PDE10A: variants seen among roughly 807,000 people sequenced by gnomAD.
PDE10A encodes cAMP and cAMP-inhibited cGMP 3',5'-cyclic phosphodiesterase 10A.
A neutral mutation model predicts 97.7 loss-of-function variants in PDE10A; 39 were observed. That is an observed-to-expected ratio of 0.40 (90% CI 0.31 to 0.52). The LOEUF (loss-of-function observed/expected upper bound fraction) is 0.52, where lower values mean the gene tolerates loss of function less well. Among genes scored for constraint, PDE10A ranks in the 20% least tolerant of loss-of-function variants. The probability of loss-of-function intolerance (pLI) is 0.56; values close to 1 mark genes in which losing one functional copy is unlikely to be tolerated. For synonymous variants in PDE10A, 371 were observed against 376.8 expected (o/e 0.98, Z 0.18); for missense variants, 731 against 1,047.8 (o/e 0.70, Z 4.17).
chr6:165,440,124 T>C (rs1469639854), intron 5 of PDE10A, among the ~76,000 whole-genome samples: 1 of 152,230 alleles, frequency 6.6e-6, no homozygotes, highest in African/African-American at 2.4e-5. Context: ...CACTGGATAG[T>C]AAACAAATTT....
At chr6:165,432,662 G>A (rs1789682417) in intron 7 of PDE10A, among the ~76,000 whole-genome samples, 1 of 152,130 alleles carries the variant, frequency 6.6e-6, no homozygotes, top group African/African-American at 2.4e-5. Context: ...AAGACATAAA[G>A]ACAACCAGAG....
intron 1 of PDE10A, among the ~76,000 whole-genome samples, chr6:165,683,236 T>A (rs751936758): frequency 3.3e-5 from 5 of 152,118 alleles, no homozygotes; most frequent in Non-Finnish European, 5.9e-5. Context: ...GAAGGATGCA[T>A]TGAATAACAG....
At chr6:165,767,926 G>T (rs1777906239) in intron 1 of PDE10A, among the ~76,000 whole-genome samples, 2 of 152,132 alleles carry the variant, frequency 1.3e-5, no homozygotes, top group African/African-American at 4.8e-5. Flanking sequence ...CCACATGTTT[G>T]CCAGCACACC....
intron 1 of PDE10A, among the ~76,000 whole-genome samples, chr6:165,806,337 T>G (rs969157282): frequency 6.6e-6 from 1 of 152,170 alleles, no homozygotes; most frequent in South Asian, 2.1e-4. Context: ...AGGCTCCGCG[T>G]TCTCCATCAT....
At chr6:165,731,506 C>T (rs1312465938) in intron 1 of PDE10A, among the ~76,000 whole-genome samples, 2 of 152,180 alleles carry the variant, frequency 1.3e-5, no homozygotes, top group South Asian at 2.1e-4. Context: ...ACGAGAGGTG[C>T]ATCTGCGGCT....
In PDE10A at chr6:165,649,233, T is replaced by C. The variant is rs142178803; in HGVS notation, c.865+12714A>G. Among the ~76,000 whole-genome samples, 32 of 152,066 alleles carry C rather than the reference T, an allele frequency of 2.1e-4. 1 individual carries two copies. In the East Asian group the frequency reaches 6.2e-3, roughly 30 times the overall value. The stretch of plus-strand genomic sequence containing the variant: ...TAAAATCCAGTAACTTGGAAGGAAG[T>C]AGCAGCTAAAATAAAACCAAGCAGC... On this transcript the variant is annotated intron_variant, in intron 1 of 21. Transcript: ENST00000539869.
At chr6:165,641,180 C>A (rs1273295000) in intron 1 of PDE10A, among the ~76,000 whole-genome samples, 9 of 151,888 alleles carry the variant, frequency 5.9e-5, no homozygotes, top group Admixed American at 4.6e-4. Flanking sequence ...GTGACTGACG[C>A]CCAGAGGTCA....
At chr6:165,582,932 C>T (rs1388476591) in intron 1 of PDE10A, among the ~76,000 whole-genome samples, 2 of 152,124 alleles carry the variant, frequency 1.3e-5, no homozygotes, top group African/African-American at 4.8e-5. Flanking sequence ...AGTATTTCTT[C>T]GTGCGGCAAA....
intron 1 of PDE10A, among the ~76,000 whole-genome samples, chr6:165,761,571 A>C (rs2128458077): frequency 6.6e-6 from 1 of 152,328 alleles, no homozygotes; most frequent in South Asian, 2.1e-4. Flanking sequence ...ATCAACGTGA[A>C]GTTAAGACAT....
rs556301522 is a variant in PDE10A at position 165,920,451 on chromosome 6, C to T, written c.-615+67078G>A. Among the ~76,000 whole-genome samples the T allele has an allele frequency of 2.0e-5, 3 of 152,104 alleles. No homozygotes were observed. The East Asian group carries it at 5.8e-4, about 29-fold the overall frequency. ...CAGAAATAGGTTGTAGTAAAATGAT[C>T]CAGTTATCTTTAAGAATGAGACCAT... On this transcript the variant is annotated intron_variant, in intron 1 of 19. Coordinates refer to the PDE10A transcript ENST00000366882.
chr6:165,805,765 T>A (rs1779119840), intron 1 of PDE10A, among the ~76,000 whole-genome samples: 1 of 152,064 alleles, frequency 6.6e-6, no homozygotes, highest in African/African-American at 2.4e-5. Flanking sequence ...GCTGCCTTTC[T>A]ATGATTCATA....
At chr6:165,790,228 T>G (rs979116269) in intron 1 of PDE10A, among the ~76,000 whole-genome samples, 1 of 152,248 alleles carries the variant, frequency 6.6e-6, no homozygotes, top group African/African-American at 2.4e-5. Flanking sequence ...ATTCATCCAA[T>G]GCTGGAAGCA....
At chr6:165,623,929 C>G (rs1287752411) in intron 1 of PDE10A, among the ~76,000 whole-genome samples, 2 of 152,246 alleles carry the variant, frequency 1.3e-5, no homozygotes, top group Non-Finnish European at 2.9e-5. Context: ...GCATGCTTCT[C>G]TGGTTGCCTG....
In PDE10A at chr6:165,593,207, C is replaced by T. The variant is rs562302835; in HGVS notation, c.866-49639G>A. 3.9e-5 allele frequency among the ~76,000 whole-genome samples: 6 copies of T among 152,146 alleles called. No individual in the cohort carries two copies. In the South Asian group the frequency reaches 1.0e-3, roughly 26 times the overall value. ...AGCAAACTAACACAGGAACAGAAAA[C>T]GAAACACTGCATGTTCTCACTCATA... is the stretch of plus-strand genomic sequence containing the variant. On this transcript the variant is annotated intron_variant, in intron 1 of 21. Transcript: ENST00000539869.
chr6:165,346,824 T>G (rs1371297615), intron 18 of PDE10A, among the ~76,000 whole-genome samples: 1 of 152,216 alleles, frequency 6.6e-6, no homozygotes, highest in African/African-American at 2.4e-5. Context: ...TATTTGAAAT[T>G]TCTTTTGAAT....
intron 1 of PDE10A, among the ~76,000 whole-genome samples, chr6:165,679,620 T>C (rs1287533022): frequency 3.9e-5 from 6 of 152,202 alleles, no homozygotes; most frequent in Admixed American, 3.9e-4. Context: ...GGTCAAAGGC[T>C]GATCTCTTAC....
chr6:165,800,927 G>A (rs1011812089), intron 1 of PDE10A, among the ~76,000 whole-genome samples: 4 of 152,162 alleles, frequency 2.6e-5, no homozygotes, highest in South Asian at 2.1e-4. Context: ...AATTCCTCTC[G>A]AAACAGAGCT....
intron 1 of PDE10A, among the ~76,000 whole-genome samples, chr6:165,737,948 C>T (rs1562711847): frequency 6.6e-6 from 1 of 152,174 alleles, no homozygotes; most frequent in Non-Finnish European, 1.5e-5. Flanking sequence ...TAAACAGCTT[C>T]AGTAAAGTAG....
rs969333213 is a variant in PDE10A at position 165,662,690 on chromosome 6, C to T, written c.122G>A (p.Gly41Glu). The change falls in exon 1 of 22, where the codon GGG (glycine) becomes GAG (glutamate). Residue 41 changes from glycine (G) to glutamate (E), a missense_variant. Around this residue, in one of 8 missense-constraint regions of PDE10A, gnomAD observed 181 missense variants for 159.1 expected, o/e 1.14. Coordinates refer to ENST00000539869, the MANE Select transcript of PDE10A (RefSeq NM_001385079.1). Reference sequence around the variant, plus strand: ...CGGGCCCGGGCCCGCCGCGCTCCCCCCGCCGGCCGCGCTGAGCCGGGGTTC... The same window carrying T: ...CGGGCCCGGGCCCGCCGCGCTCCCCTCGCCGGCCGCGCTGAGCCGGGGTTC... ...RPEPRLSAAG[G>E]GSAAGPGPAP... 1 of 145,838 alleles carries T rather than the reference C, an allele frequency of 6.9e-6. No individual in the cohort carries two copies. The highest frequency in any genetic ancestry group is 2.5e-5 in the African/African-American group (1 of 40,636). 9.0% of individuals were successfully genotyped at this position (145,838 alleles called of 1,614,324 possible).
Sources: gnomAD v4.1 joint callset for allele counts (sites outside exome capture counted in the v4.1 genomes callset) on GRCh38, gnomAD v4.1.1 for gene constraint, gnomAD v4.1.1 regional missense constraint, MANE v1.5 for transcripts, NCBI Gene and HGNC (gene_info 2026-07-23, HGNC 2026-07-21) for gene names.